The following CACNA1D variants were observed in gnomAD, a reference collection of about 807,000 sequenced individuals.
CACNA1D encodes calcium voltage-gated channel subunit alpha1 D, also known as voltage-dependent L-type calcium channel subunit alpha-1D.
Under a neutral mutation model 257.1 loss-of-function variants are expected in CACNA1D, and 55 were observed. That is an observed-to-expected ratio of 0.21 (90% CI 0.17 to 0.27). The LOEUF is 0.27. CACNA1D is among the 10% of genes least tolerant of loss of function. CACNA1D has a pLI of 1.00. For missense variants in CACNA1D, 1,876 were observed against 2,784.0 expected (o/e 0.67, Z 7.34); for synonymous variants, 980 against 1,014.9 (o/e 0.97, Z 0.65).
chr3:53,531,666 C>A (rs1352866979), intron 3 of CACNA1D, among the ~76,000 whole-genome samples: 1 of 152,166 alleles, frequency 6.6e-6, no homozygotes, highest in African/African-American at 2.4e-5. Context: ...TGAATTCTTC[C>A]CATCACACCC....
In CACNA1D at chr3:53,556,367, G is replaced by A. The variant is rs556645359; in HGVS notation, c.483+54647G>A. 9.8e-5 allele frequency among the ~76,000 whole-genome samples: 15 copies of A among 152,340 alleles called. No homozygotes were observed. The South Asian group carries it at 3.1e-3, about 32-fold the overall frequency. Reference sequence around the variant, plus strand: ...GTACCATTTTGTATTCCCACCAGAAGTGTATGAGAGCTATAGTTGCTTCAC... The same window carrying A: ...GTACCATTTTGTATTCCCACCAGAAATGTATGAGAGCTATAGTTGCTTCAC... On this transcript the variant is annotated intron_variant, in intron 3 of 47. Coordinates refer to ENST00000350061, the MANE Select transcript of CACNA1D (RefSeq NM_001128840.3).
intron 29 of CACNA1D, among the ~76,000 whole-genome samples, chr3:53,756,814 T>G (rs916208977): frequency 6.6e-6 from 1 of 152,222 alleles, no homozygotes. Context: ...GCCTGGTCTG[T>G]CTGGGATTCT....
intron 3 of CACNA1D, among the ~76,000 whole-genome samples, chr3:53,624,799 G>A (rs2093738074): frequency 6.6e-6 from 1 of 152,184 alleles, no homozygotes; most frequent in Non-Finnish European, 1.5e-5. Context: ...GCCTGGGAGT[G>A]GACTTGTCCA....
At chr3:53,675,760 TA>T (rs569480158) in intron 8 of CACNA1D, among the ~76,000 whole-genome samples, 72 of 152,308 alleles carry the variant, frequency 4.7e-4, no homozygotes, top group South Asian at 2.3e-3. Flanking sequence ...ATAATTTTTT[TA>T]AAAAATATTT....
chr3:53,755,971 A>G (rs1030030340), intron 29 of CACNA1D, among the ~76,000 whole-genome samples: 11 of 152,128 alleles, frequency 7.2e-5, no homozygotes, highest in African/African-American at 1.9e-4. Flanking sequence ...AGATGGCCAC[A>G]TGGGACCTCA....
chr3:53,501,614 G>T lies in CACNA1D; in HGVS notation c.378-1G>T. The T allele has an allele frequency of 6.6e-7, 1 of 1,507,412 alleles. No individual in the cohort carries two copies. The highest frequency in any genetic ancestry group is 1.1e-5 in the South Asian group (1 of 88,880). 93.4% of individuals were successfully genotyped at this position (1,507,412 alleles called of 1,614,324 possible). A position where few individuals can be genotyped will look rare whatever the true frequency, so the allele number is the denominator to read the frequency against. ...ATATATACCTTAACACATTTTTTCA[G>T]ACCATTTGACATATTTATATTATTG... On this transcript the variant is annotated splice_acceptor_variant, in intron 2 of 47. Coordinates refer to ENST00000350061, the MANE Select transcript of CACNA1D (RefSeq NM_001128840.3). LOFTEE classifies it high-confidence loss of function.
chr3:53,504,422 T>C (rs2090738264), intron 3 of CACNA1D, among the ~76,000 whole-genome samples: 1 of 152,192 alleles, frequency 6.6e-6, no homozygotes, highest in Non-Finnish European at 1.5e-5. Context: ...TTGTTCTAGA[T>C]AGTATGTAAC....
chr3:53,805,731 CCCT>C (rs2095559310), intron 45 of CACNA1D, among the ~76,000 whole-genome samples: 1 of 147,154 alleles, frequency 6.8e-6, no homozygotes, highest in Admixed American at 6.7e-5. Context: ...CCTCCATCTT[CCCT>C]CCTCCTCCCT....
chr3:53,504,439 A>C (rs1246178279), intron 3 of CACNA1D, among the ~76,000 whole-genome samples: 1 of 152,174 alleles, frequency 6.6e-6, no homozygotes, highest in African/African-American at 2.4e-5. Context: ...TAACTCAGCT[A>C]GTTTTGGGAT....
chr3:53,694,932 C>T (rs999473198), intron 8 of CACNA1D, among the ~76,000 whole-genome samples: 1 of 152,130 alleles, frequency 6.6e-6, no homozygotes, highest in South Asian at 2.1e-4. Context: ...TTGGCTTGTT[C>T]TGCTGTGTTT....
At chr3:53,506,302 T>C (rs1306349110) in intron 3 of CACNA1D, among the ~76,000 whole-genome samples, 1 of 152,190 alleles carries the variant, frequency 6.6e-6, no homozygotes, top group Non-Finnish European at 1.5e-5. Context: ...TGGACACCCC[T>C]GTGCCCAGTC....
chr3:53,692,253 T>A (rs1295266812), intron 8 of CACNA1D, among the ~76,000 whole-genome samples: 1 of 152,054 alleles, frequency 6.6e-6, no homozygotes, highest in Non-Finnish European at 1.5e-5. Flanking sequence ...GAAAAACCAA[T>A]TGCAGGACTG....
chr3:53,805,749 T>TTCCCTCCTCC (rs2095559486), intron 45 of CACNA1D, among the ~76,000 whole-genome samples: 3 of 130,612 alleles, frequency 2.3e-5, no homozygotes, highest in Non-Finnish European at 4.9e-5. Flanking sequence ...CTCCCTCATC[T>TTCCCTCCTCC]TCCCTCCTCC....
chr3:53,710,411 C>A (rs764296880), intron 9 of CACNA1D: 1 of 456,680 alleles, frequency 2.2e-6, no homozygotes, highest in South Asian at 1.5e-5. Flanking sequence ...CAGTGGCCGA[C>A]TTGCTTAAAG....
Position 53,660,232 on chromosome 3 carries a change from C to CT in CACNA1D, c.726dup (p.Arg243SerfsTer63). On this transcript the variant is annotated frameshift_variant, in exon 5 of 48. Coordinates refer to ENST00000350061, the MANE Select transcript of CACNA1D (RefSeq NM_001128840.3). LOFTEE classifies it high-confidence loss of function. ...GCTTTGATGTCAAAGCCCTCCGTGC[C>CT]TTTCGAGTGTTGCGACCACTTCGAC... 6.2e-7 allele frequency: 1 copy of CT among 1,614,116 alleles called. No individual in the cohort carries two copies. The highest frequency in any genetic ancestry group is 8.5e-7 in the Non-Finnish European group (1 of 1,179,978).
chr3:53,617,883 A>C (rs1319748600), intron 3 of CACNA1D, among the ~76,000 whole-genome samples: 1 of 152,122 alleles, frequency 6.6e-6, no homozygotes, highest in Non-Finnish European at 1.5e-5. Context: ...TTGGAGACCA[A>C]ACAGAAGCCC....
Position 53,582,525 on chromosome 3 carries a change from C to G in CACNA1D, c.484-68254C>G, listed in dbSNP as rs74795143. On this transcript the variant is annotated intron_variant, in intron 3 of 47. Coordinates refer to ENST00000350061, the MANE Select transcript of CACNA1D (RefSeq NM_001128840.3). The stretch of plus-strand genomic sequence containing the variant: ...TTAGAGCTTGACTTGGAAAGGGGGA[C>G]TGGGATGTGAACATTTGGAGATTGC... 5.4e-3 allele frequency among the ~76,000 whole-genome samples: 818 copies of G among 152,094 alleles called. 5 individuals carry two copies. The highest frequency in any genetic ancestry group is 0.019 in the African/African-American group (781 of 41,470).
At chr3:53,590,900 G>C (rs2093294628) in intron 3 of CACNA1D, among the ~76,000 whole-genome samples, 1 of 152,218 alleles carries the variant, frequency 6.6e-6, no homozygotes, top group African/African-American at 2.4e-5. Context: ...TCTGTCCGCT[G>C]TGGGCTACAG....
intron 3 of CACNA1D, among the ~76,000 whole-genome samples, chr3:53,557,373 A>G (rs2092664290): frequency 1.3e-5 from 2 of 152,084 alleles, no homozygotes; most frequent in African/African-American, 4.8e-5. Context: ...GCATGCTTGT[A>G]ATCCCAGCTA....
Sources: gnomAD v4.1 joint callset for allele counts (sites outside exome capture counted in the v4.1 genomes callset) on GRCh38, gnomAD v4.1.1 for gene constraint, MANE v1.5 for transcripts, NCBI Gene and HGNC (gene_info 2026-07-23, HGNC 2026-07-21) for gene names.